BAZ2B: variants seen among roughly 807,000 people sequenced by gnomAD.
BAZ2B encodes the protein bromodomain adjacent to zinc finger domain protein 2B.
Under a neutral mutation model 246.0 loss-of-function variants are expected in BAZ2B, and 91 were observed. The observed-to-expected ratio is 0.37, with a 90% CI of 0.31 to 0.44. The LOEUF (loss-of-function observed/expected upper bound fraction) is 0.44, where lower values mean the gene tolerates loss of function less well. Ranked by LOEUF, BAZ2B falls within the 20% of genes least tolerant of loss-of-function variation. The probability of loss-of-function intolerance (pLI) is 1.00; values close to 1 mark genes in which losing one functional copy is unlikely to be tolerated. For missense variants in BAZ2B, 2,332 were observed against 2,533.7 expected, an observed-to-expected ratio of 0.92 and a Z score of 1.71; for synonymous variants, 855 against 860.0, an observed-to-expected ratio of 0.99 and a Z score of 0.10.
Position 159,385,337 on chromosome 2 carries a change from A to T in BAZ2B, c.3504T>A (p.Asn1168Lys). The T allele has an allele frequency of 6.2e-7, 1 of 1,613,038 alleles. No individual in the cohort carries two copies. Among genetic ancestry groups the T allele is most frequent in the Admixed American group, 1.7e-5 (1 of 59,904 alleles). Residue 1168 changes from asparagine (N) to lysine (K), a missense_variant, in exon 23 of 37, where the codon AAT becomes AAA. Physicochemically the swap from Asn to Lys is moderately conservative, Grantham distance 94. Coordinates refer to ENST00000392783, the MANE Select transcript of BAZ2B (RefSeq NM_013450.4). Reference protein sequence around the residue: ...AKTALGEHLLNVGVNRDNVSE... With the variant: ...AKTALGEHLLKVGVNRDNVSE... ...AAACATTGTCTCGATTCACACCAACATTCAGCAAATGTTCTCCAAGAGCTG... is the reference window on the plus strand; with the variant it reads ...AAACATTGTCTCGATTCACACCAACTTTCAGCAAATGTTCTCCAAGAGCTG...
chr2:159,650,401 C>G, the BAZ2B span, among the ~76,000 whole-genome samples: 142,242 of 152,160 alleles, frequency 0.93, 66,614 homozygotes, highest in Middle Eastern at 0.97. Context: ...AACCACAGGA[C>G]CATTTAAGTT....
chr2:159,496,880 C>T (rs928277074), intron 2 of BAZ2B, among the ~76,000 whole-genome samples: 2 of 146,890 alleles, frequency 1.4e-5, no homozygotes, highest in African/African-American at 2.5e-5. Context: ...AAAATTGTTA[C>T]ACATTAAGGA....
chr2:159,350,710 A>G (rs929846301), intron 27 of BAZ2B, among the ~76,000 whole-genome samples: 1 of 152,188 alleles, frequency 6.6e-6, no homozygotes, highest in Non-Finnish European at 1.5e-5. Flanking sequence ...AAATGAGATT[A>G]CAAAGGTGCA....
At chr2:159,425,708 C>T (rs2069703603) in intron 13 of BAZ2B, among the ~76,000 whole-genome samples, 1 of 152,212 alleles carries the variant, frequency 6.6e-6, no homozygotes, top group African/African-American at 2.4e-5. Context: ...ATGATCATCA[C>T]TGCATGGTAG....
chr2:159,337,867 G>T, intron 31 of BAZ2B, 95 bp from the exon 32 acceptor site: 1 of 1,164,724 alleles, frequency 8.6e-7, no homozygotes, highest in Non-Finnish European at 1.2e-6. Context: ...GATACTGGCA[G>T]ATCTCAAGGA....
the BAZ2B span, among the ~76,000 whole-genome samples, chr2:159,681,255 T>G: frequency 6.6e-6 from 1 of 152,024 alleles, no homozygotes; most frequent in Admixed American, 6.5e-5. Context: ...ATCAGAACAC[T>G]AGTTTACTAT....
At chr2:159,530,263 T>C (rs939620955) in intron 2 of BAZ2B, among the ~76,000 whole-genome samples, 1 of 152,240 alleles carries the variant, frequency 6.6e-6, no homozygotes, top group Admixed American at 6.5e-5. Context: ...AGTGCTTTCA[T>C]AGGTTTTAGG....
Position 159,398,588 on chromosome 2 carries a change from A to G in BAZ2B, c.2964+241T>C, listed in dbSNP as rs3771713. 1.0e-3 allele frequency among the ~76,000 whole-genome samples: 154 copies of G among 152,266 alleles called. 2 individuals are homozygous for G. In the East Asian group the frequency reaches 0.02, roughly 20 times the overall value. On this transcript the variant is annotated intron_variant, in intron 18 of 36. Transcript: ENST00000392783. ...ATACAGGTATTAAGCAACAATTTGC[A>G]TTTCTGATTTGATGTCTCCTAAACA...
chr2:159,507,961 T>TC (rs1052838239), intron 2 of BAZ2B, among the ~76,000 whole-genome samples: 2 of 152,120 alleles, frequency 1.3e-5, no homozygotes, highest in African/African-American at 4.8e-5. Context: ...AACCTCCACC[T>TC]CCCGGTTCAA....
intron 25 of BAZ2B, among the ~76,000 whole-genome samples, chr2:159,378,911 T>C (rs893256456): frequency 3.9e-5 from 6 of 152,112 alleles, no homozygotes; most frequent in Non-Finnish European, 5.9e-5. Context: ...GATTGTAAAA[T>C]AGTGTAACCA....
intron 2 of BAZ2B, among the ~76,000 whole-genome samples, chr2:159,554,515 A>G (rs2088800234): frequency 6.6e-6 from 1 of 152,072 alleles, no homozygotes; most frequent in Non-Finnish European, 1.5e-5. Flanking sequence ...TTAGTAGACA[A>G]AATTATGATG....
intron 4 of BAZ2B, among the ~76,000 whole-genome samples, chr2:159,453,378 C>G (rs2075335616): frequency 6.6e-6 from 1 of 152,186 alleles, no homozygotes; most frequent in South Asian, 2.1e-4. Context: ...TCTCCTGTGA[C>G]AGACACCTAT....
chr2:159,579,327 G>C (rs1294475005), intron 1 of BAZ2B, among the ~76,000 whole-genome samples: 3 of 152,116 alleles, frequency 2.0e-5, no homozygotes, highest in African/African-American at 7.2e-5. Flanking sequence ...AAATCTAGAA[G>C]AAATGGATAA....
intron 2 of BAZ2B, among the ~76,000 whole-genome samples, chr2:159,550,358 T>C (rs1262195328): frequency 6.6e-6 from 1 of 152,094 alleles, no homozygotes; most frequent in Non-Finnish European, 1.5e-5. Context: ...CCATTCTCAG[T>C]ATAGGGTTTC....
At chr2:159,525,652 C>T (rs1178041709) in intron 2 of BAZ2B, among the ~76,000 whole-genome samples, 1 of 152,074 alleles carries the variant, frequency 6.6e-6, no homozygotes, top group Non-Finnish European at 1.5e-5. Flanking sequence ...CCAAAAGCTT[C>T]TAGACCCAAC....
intron 2 of BAZ2B, among the ~76,000 whole-genome samples, chr2:159,489,814 G>A (rs1259266905): frequency 6.6e-6 from 1 of 152,168 alleles, no homozygotes; most frequent in Non-Finnish European, 1.5e-5. Context: ...TTGGGAGGCT[G>A]AGGCAGGAGG....
intron 2 of BAZ2B, among the ~76,000 whole-genome samples, chr2:159,535,247 C>T (rs988022724): frequency 2.6e-5 from 4 of 152,208 alleles, no homozygotes; most frequent in East Asian, 1.9e-4. Context: ...CCTGGCTGGG[C>T]GCGGTGGCTC....
chr2:159,536,969 C>T (rs1215518059), intron 2 of BAZ2B, among the ~76,000 whole-genome samples: 1 of 152,042 alleles, frequency 6.6e-6, no homozygotes. Flanking sequence ...TTTAAAATGT[C>T]GATATCACGA....
intron 21 of BAZ2B, among the ~76,000 whole-genome samples, chr2:159,388,640 G>C (rs1475453942): frequency 6.6e-6 from 1 of 152,104 alleles, no homozygotes; most frequent in Non-Finnish European, 1.5e-5. Context: ...ATTGTATTGA[G>C]GATTAAATGA....
Sources: gnomAD v4.1 joint callset for allele counts (sites outside exome capture counted in the v4.1 genomes callset) on GRCh38, gnomAD v4.1.1 for gene constraint, MANE v1.5 for transcripts, NCBI Gene and HGNC (gene_info 2026-07-23, HGNC 2026-07-21) for gene names.